Variants in LPAR3 observed in about 807,000 individuals in gnomAD.
LPAR3 encodes lysophosphatidic acid receptor 3, also known as LPA receptor 3.
In LPAR3, 7 loss-of-function variants were observed where a neutral mutation model predicts 17.8. The ratio of observed to expected loss-of-function variants is 0.39; its 90% CI spans 0.22 to 0.74. The LOEUF is 0.74. Among genes scored for constraint, LPAR3 ranks in the 30% least tolerant of loss-of-function variants. The pLI is 0.40. For synonymous variants in LPAR3, 179 were observed against 179.9 expected, an observed-to-expected ratio of 0.99 and a Z score of 0.04; for missense variants, 391 against 453.4, an observed-to-expected ratio of 0.86 and a Z score of 1.25.
chr1:84,867,608 G>C (rs1570895986), intron 1 of LPAR3, among the ~76,000 whole-genome samples: 1 of 151,364 alleles, frequency 6.6e-6, no homozygotes, highest in African/African-American at 2.4e-5. Flanking sequence ...TTGCTTTTTG[G>C]CCATAGCAAA....
At chr1:84,860,986 G>A (rs1164130456) in intron 2 of LPAR3, among the ~76,000 whole-genome samples, 6 of 151,998 alleles carry the variant, frequency 3.9e-5, no homozygotes, top group African/African-American at 7.2e-5. Context: ...TGATCCGCCC[G>A]CCTCGGCCTC....
rs138228924 is a variant in LPAR3 at position 84,821,189 on chromosome 1, T to C, written c.737-7018A>G. ...AGGAATACTTTTCCCAAAGGAAATA[T>C]CTCGTTAAACTTCAAAATCAGAGCT... On this transcript the variant is annotated intron_variant, in intron 2 of 2. Coordinates refer to ENST00000370611, the MANE Select transcript of LPAR3 (RefSeq NM_012152.3). 6.1e-3 allele frequency among the ~76,000 whole-genome samples: 931 copies of C among 151,758 alleles called. 9 individuals carry two copies. The highest frequency in any genetic ancestry group is 0.022 in the African/African-American group (897 of 41,370).
chr1:84,890,279 G>A (rs572015157), intron 1 of LPAR3, among the ~76,000 whole-genome samples: 1 of 152,178 alleles, frequency 6.6e-6, no homozygotes, highest in Non-Finnish European at 1.5e-5. Flanking sequence ...AGAAAAGTGT[G>A]TATAACATCT....
intron 1 of LPAR3, among the ~76,000 whole-genome samples, chr1:84,867,081 C>T (rs1186886627): frequency 6.6e-6 from 1 of 152,206 alleles, no homozygotes; most frequent in African/African-American, 2.4e-5. Flanking sequence ...AGACCCCAAA[C>T]TGGGATATCA....
chr1:84,819,081 T>G (rs1406043313), intron 2 of LPAR3, among the ~76,000 whole-genome samples: 4 of 152,248 alleles, frequency 2.6e-5, no homozygotes, highest in Admixed American at 6.5e-5. Context: ...TGGCCAGTGT[T>G]TGTCCTTCCT....
intron 2 of LPAR3, among the ~76,000 whole-genome samples, chr1:84,823,620 A>C (rs1659098501): frequency 6.6e-6 from 1 of 152,184 alleles, no homozygotes. Context: ...TAAAAGATAA[A>C]ATTTAAAGCA....
chr1:84,882,245 T>C (rs1305810670), intron 1 of LPAR3, among the ~76,000 whole-genome samples: 2 of 152,072 alleles, frequency 1.3e-5, no homozygotes, highest in East Asian at 3.9e-4. Context: ...CACAATAGTA[T>C]TAAAAAGAAT....
chr1:84,850,043 T>C (rs925553287), intron 2 of LPAR3, among the ~76,000 whole-genome samples: 6 of 152,080 alleles, frequency 3.9e-5, no homozygotes, highest in African/African-American at 1.4e-4. Flanking sequence ...CTTCAACAAT[T>C]TTCTCTTTGA....
Position 84,811,914 on chromosome 1 carries a change from G to T in LPAR3, c.*1932C>A, listed in dbSNP as rs1211819098. On this transcript the variant is annotated 3_prime_UTR_variant, in exon 3 of 3. Transcript: ENST00000370611. ...TGTTTTACATAGAAAACTCTCGTTG[G>T]TAGCCTGTGTGTATGAAACATCATT... 1 of 152,076 alleles carries T rather than the reference G, an allele frequency of 6.6e-6. No homozygotes were observed. Among genetic ancestry groups the T allele is most frequent in the Non-Finnish European group, 1.5e-5 (1 of 68,002 alleles). The allele number at this position is 152,076 out of a possible 1,614,324, so 9.4% of individuals were successfully genotyped here. A position where few individuals can be genotyped will look rare whatever the true frequency, so the allele number is the denominator to read the frequency against.
chr1:84,883,474 A>C (rs1660401166), intron 1 of LPAR3, among the ~76,000 whole-genome samples: 1 of 152,230 alleles, frequency 6.6e-6, no homozygotes, highest in African/African-American at 2.4e-5. Flanking sequence ...TGAAAACCTA[A>C]TGTTTAACAT....
chr1:84,837,943 C>A (rs1387331396), intron 2 of LPAR3, among the ~76,000 whole-genome samples: 1 of 152,126 alleles, frequency 6.6e-6, no homozygotes, highest in Non-Finnish European at 1.5e-5. Context: ...ATTTCTAGGA[C>A]ATCTACTTGT....
chr1:84,828,642 C>T (rs1008159077), intron 2 of LPAR3, among the ~76,000 whole-genome samples: 5 of 152,148 alleles, frequency 3.3e-5, no homozygotes, highest in African/African-American at 1.2e-4. Context: ...TCTCCTTGTT[C>T]CTAAGCTCCT....
chr1:84,814,075 A>T lies in LPAR3; in HGVS notation c.833T>A (p.Phe278Tyr), dbSNP rs1418393404. ...QCGVQHVKRW[F>Y]LLLALLNSVV... is the part of the protein sequence containing the mutation. ...GGAGTTGAGCAGCGCCAGCAGCAGG[A>T]ACCACCTTTTCACATGCTGCACGCC... is the stretch of plus-strand genomic sequence containing the variant. Residue 278 changes from phenylalanine to tyrosine, a missense_variant, in exon 3 of 3, where the codon TTC becomes TAC. Phe to Tyr is a conservative substitution (Grantham distance 22, BLOSUM62 3). Transcript: ENST00000370611. 5 of 1,614,040 alleles carry T rather than the reference A, an allele frequency of 3.1e-6. No individual in the cohort carries two copies. The highest frequency in any genetic ancestry group is 4.2e-6 in the Non-Finnish European group (5 of 1,180,034).
rs907531699 is a variant in LPAR3, at chr1:84,816,820, T to C, written c.737-2649A>G. Among the ~76,000 whole-genome samples the C allele has an allele frequency of 2.3e-4, 35 of 152,094 alleles. 1 individual carries two copies. The highest frequency in any genetic ancestry group is 7.7e-4 in the African/African-American group (32 of 41,414). On this transcript the variant is annotated intron_variant, in intron 2 of 2. Coordinates refer to ENST00000370611, the MANE Select transcript of LPAR3 (RefSeq NM_012152.3). Reference sequence around the variant, plus strand: ...TCCAAAAAAGTAAAAAGCAAAAAAATATATAAATATCTTCATTTACTTGAA... The same window carrying C: ...TCCAAAAAAGTAAAAAGCAAAAAAACATATAAATATCTTCATTTACTTGAA...
In LPAR3 at chr1:84,813,158, T is replaced by TATATAGAGAGAGAGAGAGAG. The variant is rs1206774677; in HGVS notation, c.*687_*688insCTCTCTCTCTCTCTCTATAT. ...ATATATATATATATATATATATATA[T>TATATAGAGAGAGAGAGAGAG]AGACACACACACACACACACACACA... On this transcript the variant is annotated 3_prime_UTR_variant, in exon 3 of 3. Transcript: ENST00000370611. 99 of 101,664 alleles carry TATATAGAGAGAGAGAGAGAG rather than the reference T, an allele frequency of 9.7e-4. No individual in the cohort carries two copies. The highest frequency in any genetic ancestry group is 6.2e-3 in the Middle Eastern group (1 of 162). The allele number at this position is 101,664 out of a possible 1,614,324, so 6.3% of individuals were successfully genotyped here. A position where few individuals can be genotyped will look rare whatever the true frequency, so the allele number is the denominator to read the frequency against.
chr1:84,886,430 A>C (rs77888316), intron 1 of LPAR3, among the ~76,000 whole-genome samples: 2 of 152,098 alleles, frequency 1.3e-5, no homozygotes, highest in Non-Finnish European at 2.9e-5. Context: ...GGAGGCTGAG[A>C]TAGGAGGACT....
intron 1 of LPAR3, among the ~76,000 whole-genome samples, chr1:84,872,441 AC>A (rs1557606254): frequency 2.0e-5 from 3 of 151,742 alleles, no homozygotes; most frequent in Non-Finnish European, 4.4e-5. Context: ...CACAATAGAG[AC>A]CTCTCTCTAT....
chr1:84,862,115 CAT>C (rs1228468814), intron 2 of LPAR3, among the ~76,000 whole-genome samples: 6 of 152,150 alleles, frequency 3.9e-5, no homozygotes, highest in African/African-American at 1.4e-4. Context: ...TCTCAAGACA[CAT>C]AGCCAAGCAA....
At chr1:84,853,607 G>A (rs566798385) in intron 2 of LPAR3, among the ~76,000 whole-genome samples, 22 of 152,192 alleles carry the variant, frequency 1.4e-4, no homozygotes, top group Middle Eastern at 3.4e-3. Flanking sequence ...CTGCAGCCCC[G>A]ATGGGCCTTC....
Sources: gnomAD v4.1 joint callset for allele counts (sites outside exome capture counted in the v4.1 genomes callset) on GRCh38, gnomAD v4.1.1 for gene constraint, MANE v1.5 for transcripts, NCBI Gene and HGNC (gene_info 2026-07-23, HGNC 2026-07-21) for gene names.